HPSE2: variants seen among roughly 807,000 people sequenced by gnomAD.
HPSE2 encodes inactive heparanase-2.
Under a neutral mutation model 60.5 loss-of-function variants are expected in HPSE2, and 38 were observed. The ratio of observed to expected loss-of-function variants is 0.63; its 90% CI spans 0.48 to 0.82. The LOEUF is 0.82. Among genes scored for constraint, HPSE2 ranks in the 40% least tolerant of loss-of-function variants. The pLI, the probability that HPSE2 is intolerant of heterozygous loss-of-function variation, is 0.00. For synonymous variants in HPSE2, 295 were observed against 293.2 expected (o/e 1.01, Z -0.06); for missense variants, 713 against 740.4 (o/e 0.96, Z 0.43).
rs374731987 is a variant in HPSE2, at chr10:98,459,566, A to C, written c.*8T>G. 8.7e-6 allele frequency: 14 copies of C among 1,613,928 alleles called. No individual in the cohort carries two copies. In the African/African-American group the frequency reaches 1.7e-4, roughly 20 times the overall value. The stretch of plus-strand genomic sequence containing the variant: ...AGGCCCACTGGTAGCCGTGAGTGTG[A>C]GGATAGCTTATCGGTAGCGGCAGGC... On this transcript the variant is annotated 3_prime_UTR_variant, in exon 12 of 12. Transcript: ENST00000370552.
At chr10:98,633,792 C>T (rs146946100) in intron 7 of HPSE2, among the ~76,000 whole-genome samples, 72 of 152,204 alleles carry the variant, frequency 4.7e-4, no homozygotes, top group African/African-American at 1.4e-3. Context: ...TTCCTTGGCG[C>T]GTGTTTCTCT....
At chr10:99,024,760 A>G (rs1342791008) in intron 3 of HPSE2, among the ~76,000 whole-genome samples, 1 of 152,224 alleles carries the variant, frequency 6.6e-6, no homozygotes, top group Non-Finnish European at 1.5e-5. Context: ...ATGGCAAGAC[A>G]TATTTAAAGT....
At chr10:98,987,692 GGAAGTCAAATT>G (rs1465325560) in intron 3 of HPSE2, among the ~76,000 whole-genome samples, 2 of 152,146 alleles carry the variant, frequency 1.3e-5, no homozygotes, top group Non-Finnish European at 2.9e-5. Context: ...TAGGAAAAGA[GGAAGTCAAATT>G]GTCCCTGTTT....
At chr10:98,766,931 A>C (rs1354846814) in intron 3 of HPSE2, among the ~76,000 whole-genome samples, 1 of 152,166 alleles carries the variant, frequency 6.6e-6, no homozygotes, top group Non-Finnish European at 1.5e-5. Flanking sequence ...TCTCAAAAAC[A>C]AAAAACAAAA....
chr10:99,024,308 A>G (rs961718770), intron 3 of HPSE2, among the ~76,000 whole-genome samples: 12 of 152,170 alleles, frequency 7.9e-5, no homozygotes, highest in Non-Finnish European at 1.3e-4. Context: ...AAGAAAAAGG[A>G]ATAAAAAACA....
At chr10:98,682,635 G>T (rs1471130690) in intron 6 of HPSE2, among the ~76,000 whole-genome samples, 1 of 152,086 alleles carries the variant, frequency 6.6e-6, no homozygotes, top group Non-Finnish European at 1.5e-5. Context: ...GCCAGGAAAA[G>T]ATCAAAATTT....
At chr10:99,209,078 G>A (rs556707183) in intron 2 of HPSE2, among the ~76,000 whole-genome samples, 9 of 152,136 alleles carry the variant, frequency 5.9e-5, no homozygotes, top group African/African-American at 1.7e-4. Context: ...TACCTTCAGC[G>A]ATTATCCAGA....
chr10:98,876,876 T>G (rs1222494975), intron 3 of HPSE2, among the ~76,000 whole-genome samples: 1 of 151,928 alleles, frequency 6.6e-6, no homozygotes, highest in Non-Finnish European at 1.5e-5. Context: ...CCAAGTTCTA[T>G]TCTCAGACCA....
At chr10:98,774,693 C>T (rs1950304592) in intron 3 of HPSE2, among the ~76,000 whole-genome samples, 1 of 152,150 alleles carries the variant, frequency 6.6e-6, no homozygotes, top group Non-Finnish European at 1.5e-5. Context: ...GTTGCTTTCC[C>T]TGAAGTAAGA....
intron 3 of HPSE2, among the ~76,000 whole-genome samples, chr10:99,046,309 C>G (rs777358048): frequency 6.6e-6 from 1 of 152,052 alleles, no homozygotes; most frequent in Non-Finnish European, 1.5e-5. Context: ...CCTCAACAAA[C>G]TAAGCACTGA....
intron 9 of HPSE2, among the ~76,000 whole-genome samples, chr10:98,519,123 G>A (rs1218308813): frequency 2.0e-5 from 3 of 152,198 alleles, no homozygotes. Flanking sequence ...TTCGGGCTAG[G>A]AGCAAGGCCC....
At chr10:98,601,316 C>T (rs981131559) in intron 9 of HPSE2, among the ~76,000 whole-genome samples, 3 of 152,146 alleles carry the variant, frequency 2.0e-5, no homozygotes, top group Admixed American at 1.3e-4. Context: ...ATCTGGGTAA[C>T]ATGGCCTAGC....
At chr10:98,653,009 T>G (rs371094393) in intron 6 of HPSE2, among the ~76,000 whole-genome samples, 1 of 152,198 alleles carries the variant, frequency 6.6e-6, no homozygotes, top group Non-Finnish European at 1.5e-5. Flanking sequence ...ACTAATTGGA[T>G]TCTACCAGTT....
rs950030952 is a variant in HPSE2 at position 98,941,049 on chromosome 10, C to G, written c.611-196993G>C. Reference sequence around the variant, plus strand: ...AATTCAACAACCCTTCATGCTAAAACTCTCAATAAATTAGGTATTGATGGG... The same window carrying G: ...AATTCAACAACCCTTCATGCTAAAAGTCTCAATAAATTAGGTATTGATGGG... On this transcript the variant is annotated intron_variant, in intron 3 of 11. Transcript: ENST00000370552. Among the ~76,000 whole-genome samples, 5 of 137,116 alleles carry G rather than the reference C, an allele frequency of 3.6e-5. 1 individual carries two copies. The highest frequency in any genetic ancestry group is 1.6e-4 in the African/African-American group (5 of 30,732). 90.0% of individuals were successfully genotyped at this position (137,116 alleles called of 152,430 possible).
chr10:99,300,951 T>C, the HPSE2 span, among the ~76,000 whole-genome samples: 1 of 152,142 alleles, frequency 6.6e-6, no homozygotes, highest in Non-Finnish European at 1.5e-5. Context: ...CACCCCCATT[T>C]TACCTGTAAA....
At chr10:98,601,954 C>T (rs1945439094) in intron 9 of HPSE2, among the ~76,000 whole-genome samples, 2 of 152,212 alleles carry the variant, frequency 1.3e-5, no homozygotes, top group South Asian at 2.1e-4. Context: ...AGGCCCTTCA[C>T]AGTTCTTGAC....
At chr10:99,307,128 T>C in the HPSE2 span, among the ~76,000 whole-genome samples, 2 of 152,322 alleles carry the variant, frequency 1.3e-5, no homozygotes, top group African/African-American at 2.4e-5. Flanking sequence ...GCTGGAGAGT[T>C]TGCAGTTGGA....
intron 9 of HPSE2, among the ~76,000 whole-genome samples, chr10:98,496,043 T>G (rs1348278147): frequency 1.3e-5 from 2 of 152,036 alleles, no homozygotes; most frequent in Non-Finnish European, 2.9e-5. Context: ...GATTTTTAGT[T>G]GTTTTTGGTG....
chr10:98,861,830 A>G (rs1952464692), intron 3 of HPSE2, among the ~76,000 whole-genome samples: 1 of 152,162 alleles, frequency 6.6e-6, no homozygotes, highest in Non-Finnish European at 1.5e-5. Flanking sequence ...GCCACATCTC[A>G]ACATTGCACC....
Sources: gnomAD v4.1 joint callset for allele counts (sites outside exome capture counted in the v4.1 genomes callset) on GRCh38, gnomAD v4.1.1 for gene constraint, MANE v1.5 for transcripts, NCBI Gene and HGNC (gene_info 2026-07-23, HGNC 2026-07-21) for gene names.